GNG12: variants seen among roughly 807,000 people sequenced by gnomAD.
The protein encoded by GNG12 is guanine nucleotide-binding protein G(I)/G(S)/G(O) subunit gamma-12.
For synonymous variants in GNG12, 28 were observed against 29.7 expected, an observed-to-expected ratio of 0.94 and a Z score of 0.19; for missense variants, 69 against 83.8, an observed-to-expected ratio of 0.82 and a Z score of 0.69.
intron 1 of GNG12, among the ~76,000 whole-genome samples, chr1:67,785,912 C>T (rs1646765071): frequency 6.6e-6 from 1 of 152,064 alleles, no homozygotes; most frequent in Non-Finnish European, 1.5e-5. Context: ...ACTTATTTCT[C>T]AAAAATTCTC....
At chr1:67,726,171 A>C (rs1570489149) in intron 2 of GNG12, among the ~76,000 whole-genome samples, 1 of 152,202 alleles carries the variant, frequency 6.6e-6, no homozygotes, top group East Asian at 1.9e-4. Context: ...TCAGTAACTG[A>C]CCAGGCCATG....
chr1:67,770,076 G>A (rs3766274), intron 2 of GNG12, among the ~76,000 whole-genome samples: 1 of 152,192 alleles, frequency 6.6e-6, no homozygotes, highest in East Asian at 1.9e-4. Flanking sequence ...GTTAAGATGC[G>A]AAAGTGAAGG....
intron 2 of GNG12, among the ~76,000 whole-genome samples, chr1:67,724,178 G>C (rs998812495): frequency 2.0e-5 from 3 of 152,150 alleles, no homozygotes; most frequent in Admixed American, 2.0e-4. Context: ...AAACTAGGGA[G>C]AGTGAAGATG....
intron 2 of GNG12, among the ~76,000 whole-genome samples, chr1:67,737,523 A>G (rs1012418853): frequency 6.6e-6 from 1 of 152,188 alleles, no homozygotes; most frequent in Non-Finnish European, 1.5e-5. Context: ...AAGTTACTCA[A>G]TCCCCTTCCC....
chr1:67,758,370 C>A (rs1646582401), intron 2 of GNG12, among the ~76,000 whole-genome samples: 1 of 152,204 alleles, frequency 6.6e-6, no homozygotes, highest in African/African-American at 2.4e-5. Context: ...ATTAATGTGG[C>A]CTGGGTCCTG....
At chr1:67,817,862 C>T (rs988276672) in intron 1 of GNG12, among the ~76,000 whole-genome samples, 1 of 145,162 alleles carries the variant, frequency 6.9e-6, no homozygotes, top group African/African-American at 2.6e-5. Flanking sequence ...TCATGGCTCA[C>T]TGCAGCCTCA....
chr1:67,811,317 C>A (rs1646924049), intron 1 of GNG12, among the ~76,000 whole-genome samples: 2 of 152,186 alleles, frequency 1.3e-5, no homozygotes, highest in Non-Finnish European at 2.9e-5. Flanking sequence ...TTCCCTGCAG[C>A]CATCCCCAAG....
At chr1:67,818,928 T>C (rs1302852632) in intron 1 of GNG12, among the ~76,000 whole-genome samples, 1 of 152,154 alleles carries the variant, frequency 6.6e-6, no homozygotes, top group African/African-American at 2.4e-5. Context: ...GCCTTGAACC[T>C]GGGCAGTGTG....
intron 2 of GNG12, among the ~76,000 whole-genome samples, chr1:67,750,746 A>G (rs192106816): frequency 9.8e-5 from 15 of 152,290 alleles, no homozygotes; most frequent in Admixed American, 6.5e-4. Context: ...AGAATATCCT[A>G]TATCTACTTA....
intron 2 of GNG12, among the ~76,000 whole-genome samples, chr1:67,734,571 G>A (rs1646441192): frequency 6.6e-6 from 1 of 152,182 alleles, no homozygotes; most frequent in Non-Finnish European, 1.5e-5. Flanking sequence ...TATGGGACTT[G>A]AACCTACGTA....
intron 2 of GNG12, among the ~76,000 whole-genome samples, chr1:67,768,745 T>C (rs558168053): frequency 1.3e-5 from 2 of 152,344 alleles, no homozygotes; most frequent in African/African-American, 4.8e-5. Context: ...TAAGGAAAGT[T>C]TGAACTCTAG....
In GNG12 at chr1:67,744,083, C is replaced by T. The variant is rs182769142; in HGVS notation, c.-27+33375G>A. Among the ~76,000 whole-genome samples, 1,271 of 152,296 alleles carry T rather than the reference C, an allele frequency of 8.3e-3. 20 individuals are homozygous for T. The highest frequency in any genetic ancestry group is 0.039 in the South Asian group (190 of 4,824). On this transcript the variant is annotated intron_variant, in intron 2 of 3. Transcript: ENST00000370982. ...CGAACAATAAATGTAACAGTATTTA[C>T]TGGATGCTTCCTATGTACCAGGTAC...
At chr1:67,805,051 T>G (rs182766931) in intron 1 of GNG12, among the ~76,000 whole-genome samples, 794 of 152,310 alleles carry the variant, frequency 5.2e-3, no homozygotes, top group Non-Finnish European at 9.3e-3. Flanking sequence ...AGAGCCTAAC[T>G]TATCTGGGGA....
At chr1:67,828,055 G>C (rs1275207810) in intron 1 of GNG12, among the ~76,000 whole-genome samples, 2 of 152,184 alleles carry the variant, frequency 1.3e-5, no homozygotes, top group Non-Finnish European at 2.9e-5. Context: ...GTGGGTATGT[G>C]CTGGTTCTAG....
intron 1 of GNG12, among the ~76,000 whole-genome samples, chr1:67,820,292 G>A (rs774778511): frequency 6.6e-6 from 1 of 151,646 alleles, no homozygotes; most frequent in South Asian, 2.1e-4. Flanking sequence ...AGGAGGCTGA[G>A]ACAGGAGAAT....
At position 67,705,260 on chromosome 1, in the gene GNG12, A is replaced by G. The variant is rs1646239936; in HGVS notation, c.*191T>C. ...GTGGAAAATAAGATTGTTATTCTGT[A>G]TTAAATCAGTAAAGGGTATTTTAAG... is the stretch of plus-strand genomic sequence containing the variant. On this transcript the variant is annotated 3_prime_UTR_variant, in exon 4 of 4. Transcript: ENST00000370982. 2.6e-6 allele frequency: 2 copies of G among 766,458 alleles called. No individual in the cohort carries two copies. The highest frequency in any genetic ancestry group is 1.8e-5 in the African/African-American group (1 of 56,158). 47.5% of individuals were successfully genotyped at this position (766,458 alleles called of 1,614,324 possible).
At position 67,787,968 on chromosome 1, in the gene GNG12, C is replaced by G. The variant is rs145271403; in HGVS notation, c.-76-10461G>C. Among the ~76,000 whole-genome samples, 482 of 152,308 alleles carry G rather than the reference C, an allele frequency of 3.2e-3. 3 individuals carry two copies. Among genetic ancestry groups the G allele is most frequent in the African/African-American group, 0.011 (465 of 41,570 alleles). The stretch of plus-strand genomic sequence containing the variant: ...CAAGCCAAGATGGTTGGTCAGCCTA[C>G]TCAGAGTTTGTGAGGCACATGAAGT... On this transcript the variant is annotated intron_variant, in intron 1 of 3. Transcript: ENST00000370982.
At chr1:67,746,120 G>A (rs1004239098) in intron 2 of GNG12, among the ~76,000 whole-genome samples, 4 of 152,148 alleles carry the variant, frequency 2.6e-5, no homozygotes, top group African/African-American at 9.7e-5. Context: ...TTTTCTTTGG[G>A]GAGGTGGTTT....
At chr1:67,728,998 C>T (rs561734611) in intron 2 of GNG12, among the ~76,000 whole-genome samples, 5 of 152,288 alleles carry the variant, frequency 3.3e-5, no homozygotes, top group African/African-American at 1.2e-4. Context: ...CTAGATAATG[C>T]TGAAGAACTC....
Sources: gnomAD v4.1 joint callset for allele counts (sites outside exome capture counted in the v4.1 genomes callset) on GRCh38, gnomAD v4.1.1 for gene constraint, MANE v1.5 for transcripts, NCBI Gene and HGNC (gene_info 2026-07-23, HGNC 2026-07-21) for gene names.